The following AGMO variants were observed in gnomAD, a reference collection of about 807,000 sequenced individuals.
AGMO encodes the protein alkylglycerol monooxygenase, also known as glyceryl-ether monooxygenase.
A neutral mutation model predicts 60.2 loss-of-function variants in AGMO; 75 were observed. That is an observed-to-expected ratio of 1.25 (90% CI 1.03 to 1.51). The LOEUF is 1.51. AGMO is among the 40% of genes most tolerant of loss of function. The pLI is 0.00. For missense variants in AGMO, 763 were observed against 525.5 expected (o/e 1.45, Z -4.42); for synonymous variants, 261 against 177.1 (o/e 1.47, Z -3.76).
chr7:15,226,880 A>C (rs1782099142), intron 12 of AGMO, among the ~76,000 whole-genome samples: 1 of 152,050 alleles, frequency 6.6e-6, no homozygotes, highest in African/African-American at 2.4e-5. Flanking sequence ...TTATAAAATC[A>C]GTAAAAAGAA....
At chr7:15,231,790 T>C (rs1435919114) in intron 12 of AGMO, among the ~76,000 whole-genome samples, 8 of 152,206 alleles carry the variant, frequency 5.3e-5, no homozygotes, top group African/African-American at 1.9e-4. Context: ...ATTTCTTCCC[T>C]TTCTTTTGCA....
chr7:15,174,753 G>A, the AGMO span, among the ~76,000 whole-genome samples: 1,179 of 129,544 alleles, frequency 9.1e-3, 14 homozygotes, highest in African/African-American at 0.028. Flanking sequence ...AATAAATGTG[G>A]AAAAAGACTA....
At chr7:15,370,720 AT>A (rs150158392) in intron 10 of AGMO, among the ~76,000 whole-genome samples, 1 of 146,486 alleles carries the variant, frequency 6.8e-6, no homozygotes, top group Non-Finnish European at 1.5e-5. Context: ...TTCTTTGCCC[AT>A]TTTTTAATGT....
chr7:15,176,514 G>C, the AGMO span, among the ~76,000 whole-genome samples: 7 of 151,822 alleles, frequency 4.6e-5, no homozygotes, highest in African/African-American at 1.7e-4. Context: ...CACAACATGA[G>C]AATAGTTTTT....
At chr7:15,285,441 G>A (rs901322291) in intron 12 of AGMO, among the ~76,000 whole-genome samples, 11 of 152,102 alleles carry the variant, frequency 7.2e-5, no homozygotes, top group Middle Eastern at 3.4e-3. Flanking sequence ...TGATCAATCT[G>A]AGAATCAAAT....
At chr7:15,342,213 C>T (rs1781878092) in intron 12 of AGMO, among the ~76,000 whole-genome samples, 1 of 123,916 alleles carries the variant, frequency 8.1e-6, no homozygotes, top group African/African-American at 3.5e-5. Flanking sequence ...AGTCCTGAAG[C>T]ACTAAGAGAC....
In AGMO at chr7:15,461,162, A is replaced by G. The variant is rs557230452; in HGVS notation, c.410-30054T>C. 2.6e-4 allele frequency among the ~76,000 whole-genome samples: 39 copies of G among 152,256 alleles called. No homozygotes were observed. The South Asian group carries it at 7.5e-3, about 29-fold the overall frequency. ...TCATGAAACATAAAGTTATTGCTTCAAAGTAATTAGAAATATCTGCCACCC... is the reference window on the plus strand; with the variant it reads ...TCATGAAACATAAAGTTATTGCTTCGAAGTAATTAGAAATATCTGCCACCC... On this transcript the variant is annotated intron_variant, in intron 3 of 12. Transcript: ENST00000342526.
the AGMO span, among the ~76,000 whole-genome samples, chr7:15,117,486 T>C: frequency 1.3e-5 from 2 of 152,016 alleles, no homozygotes; most frequent in Non-Finnish European, 2.9e-5. Context: ...AGAATAAATT[T>C]CACTGTTTGT....
intron 4 of AGMO, among the ~76,000 whole-genome samples, chr7:15,422,178 A>G (rs1780943921): frequency 6.6e-6 from 1 of 152,158 alleles, no homozygotes; most frequent in Non-Finnish European, 1.5e-5. Context: ...CAAAATGAAA[A>G]GAGGGATTAC....
At chr7:15,348,575 C>T (rs1782117432) in intron 12 of AGMO, among the ~76,000 whole-genome samples, 1 of 152,030 alleles carries the variant, frequency 6.6e-6, no homozygotes, top group Non-Finnish European at 1.5e-5. Flanking sequence ...TTTCTTCTTT[C>T]TATAGCTTTG....
chr7:15,346,507 A>ATTTAT (rs1782037434), intron 12 of AGMO, among the ~76,000 whole-genome samples: 1 of 151,848 alleles, frequency 6.6e-6, no homozygotes, highest in African/African-American at 2.4e-5. Context: ...TTTAATTGAT[A>ATTTAT]TTTATTTTCA....
intron 2 of AGMO, among the ~76,000 whole-genome samples, chr7:15,553,212 C>T (rs1785023210): frequency 6.6e-6 from 1 of 151,458 alleles, no homozygotes; most frequent in African/African-American, 2.4e-5. Context: ...GGGAGATATA[C>T]CTAATGCTAG....
rs572629971 is a variant in AGMO at position 15,243,127 on chromosome 7, TAA to T, written c.1264-41770_1264-41769del. Among the ~76,000 whole-genome samples the T allele has an allele frequency of 5.4e-3, 822 of 152,166 alleles. 9 individuals are homozygous for T. The highest frequency in any genetic ancestry group is 0.01 in the Middle Eastern group (3 of 294). On this transcript the variant is annotated intron_variant, in intron 12 of 12. Transcript: ENST00000342526. ...TGAAAATATCTTTAATATTAATATA[TAA>T]GACTTATTAATATACATAGGTCAGT...
intron 12 of AGMO, among the ~76,000 whole-genome samples, chr7:15,341,937 A>G (rs867665570): frequency 1.3e-5 from 2 of 151,894 alleles, no homozygotes; most frequent in Non-Finnish European, 2.9e-5. Context: ...TGATTCAATT[A>G]TCTCTCACCG....
chr7:15,507,105 T>C (rs1365775595), intron 3 of AGMO, among the ~76,000 whole-genome samples: 1 of 151,922 alleles, frequency 6.6e-6, no homozygotes, highest in Non-Finnish European at 1.5e-5. Context: ...AAGGAAAGTG[T>C]GAGCCAAGGA....
At chr7:15,518,863 ACTC>A in intron 3 of AGMO, among the ~76,000 whole-genome samples, 2 of 151,614 alleles carry the variant, frequency 1.3e-5, no homozygotes, top group African/African-American at 4.8e-5. Flanking sequence ...GTAATAAAAA[ACTC>A]CTCCAAGCTA....
intron 5 of AGMO, among the ~76,000 whole-genome samples, chr7:15,401,957 G>A (rs944791593): frequency 6.6e-6 from 1 of 152,014 alleles, no homozygotes; most frequent in Non-Finnish European, 1.5e-5. Flanking sequence ...TCGTTACAGC[G>A]TCATGCATGA....
At chr7:15,274,817 T>G (rs1251481091) in intron 12 of AGMO, among the ~76,000 whole-genome samples, 1 of 152,016 alleles carries the variant, frequency 6.6e-6, no homozygotes, top group African/African-American at 2.4e-5. Context: ...TTCCATTTCC[T>G]CTAGGTTTTC....
chr7:15,340,618 G>T (rs1468942164), intron 12 of AGMO, among the ~76,000 whole-genome samples: 2 of 152,296 alleles, frequency 1.3e-5, no homozygotes, highest in Middle Eastern at 3.4e-3. Flanking sequence ...GGCTTCAGAG[G>T]GTGCCAGCCC....
Sources: gnomAD v4.1 joint callset for allele counts (sites outside exome capture counted in the v4.1 genomes callset) on GRCh38, gnomAD v4.1.1 for gene constraint, MANE v1.5 for transcripts, NCBI Gene and HGNC (gene_info 2026-07-23, HGNC 2026-07-21) for gene names.